The following BAZ2B variants were observed in gnomAD, a reference collection of about 807,000 sequenced individuals.
BAZ2B encodes the protein bromodomain adjacent to zinc finger domain protein 2B.
Under a neutral mutation model 246.0 loss-of-function variants are expected in BAZ2B, and 91 were observed. That is an observed-to-expected ratio of 0.37 (90% confidence interval 0.31 to 0.44). BAZ2B has a LOEUF of 0.44. Ranked by LOEUF, BAZ2B falls within the 20% of genes least tolerant of loss-of-function variation. The probability of loss-of-function intolerance (pLI) is 1.00; values close to 1 mark genes in which losing one functional copy is unlikely to be tolerated. For synonymous variants in BAZ2B, 855 were observed against 860.0 expected (o/e 0.99, Z 0.10); for missense variants, 2,332 against 2,533.7 (o/e 0.92, Z 1.71).
chr2:159,515,786 A>G (rs533003647), intron 2 of BAZ2B, among the ~76,000 whole-genome samples: 1 of 152,258 alleles, frequency 6.6e-6, no homozygotes, highest in South Asian at 2.1e-4. Flanking sequence ...TTTTTATATC[A>G]TAAGGATCTC....
At chr2:159,576,710 G>A (rs914954554) in intron 1 of BAZ2B, among the ~76,000 whole-genome samples, 3 of 145,480 alleles carry the variant, frequency 2.1e-5, no homozygotes, top group African/African-American at 7.6e-5. Flanking sequence ...TCGGGAGTTC[G>A]AGACCAGCCT....
intron 1 of BAZ2B, among the ~76,000 whole-genome samples, chr2:159,559,691 G>A (rs149087666): frequency 4.6e-5 from 7 of 152,218 alleles, no homozygotes; most frequent in Middle Eastern, 6.8e-3. Flanking sequence ...AAAAAAATAT[G>A]TGAAATTAAA....
At chr2:159,474,990 T>C (rs1207817947) in intron 3 of BAZ2B, among the ~76,000 whole-genome samples, 48 of 152,188 alleles carry the variant, frequency 3.2e-4, no homozygotes, top group Admixed American at 3.1e-3. Context: ...CCCTTAACAT[T>C]TTTTCTTTCA....
the BAZ2B span, among the ~76,000 whole-genome samples, chr2:159,670,083 G>A: frequency 2.0e-5 from 3 of 151,872 alleles, no homozygotes; most frequent in African/African-American, 7.3e-5. Flanking sequence ...TGATTCTCCT[G>A]CCTCAGCCTC....
chr2:159,533,354 G>A lies in BAZ2B; in HGVS notation c.-3+22469C>T, dbSNP rs1212978916. ...ACTTAATTTTCAGAAAAAGAACACT[G>A]GACTAGGAATTCGACACCAATACCA... On this transcript the variant is annotated intron_variant, in intron 2 of 36. Transcript: ENST00000392783. 3.9e-5 allele frequency among the ~76,000 whole-genome samples: 6 copies of A among 152,120 alleles called. No individual in the cohort carries two copies. In the East Asian group the frequency reaches 9.6e-4, roughly 24 times the overall value.
intron 2 of BAZ2B, among the ~76,000 whole-genome samples, chr2:159,480,320 AATAAG>A (rs1369456792): frequency 6.6e-6 from 1 of 152,154 alleles, no homozygotes; most frequent in African/African-American, 2.4e-5. Flanking sequence ...TTGGTGACAT[AATAAG>A]ATAAGCACTT....
At chr2:159,532,142 TGAA>T (rs2085443042) in intron 2 of BAZ2B, among the ~76,000 whole-genome samples, 1 of 152,162 alleles carries the variant, frequency 6.6e-6, no homozygotes, top group Non-Finnish European at 1.5e-5. Flanking sequence ...ACTAAAACAA[TGAA>T]GAAATATTGA....
chr2:159,688,239 G>C, the BAZ2B span, among the ~76,000 whole-genome samples: 1 of 151,890 alleles, frequency 6.6e-6, no homozygotes, highest in African/African-American at 2.4e-5. Flanking sequence ...ATGAGGTCTT[G>C]TTATGTTGTC....
rs181316946 is a variant in BAZ2B at position 159,409,407 on chromosome 2, T to C, written c.2677+2928A>G. On this transcript the variant is annotated intron_variant, in intron 14 of 36. Transcript: ENST00000392783. ...AAATTTGAGATATTAATAGTATCAG[T>C]CAATCAACAAGCAGGTTTATTTATA... Among the ~76,000 whole-genome samples, 40 of 152,314 alleles carry C rather than the reference T, an allele frequency of 2.6e-4. No homozygotes were observed. In the East Asian group the frequency reaches 4.4e-3, roughly 17 times the overall value.
chr2:159,349,917 G>T lies in BAZ2B; in HGVS notation c.4654C>A (p.Leu1552Met). Residue 1552 changes from leucine (L) to methionine (M), a missense_variant, in exon 28 of 37, where the codon CTG (leucine) becomes ATG (methionine). Coordinates refer to ENST00000392783, the MANE Select transcript of BAZ2B (RefSeq NM_013450.4). The stretch of plus-strand genomic sequence containing the variant: ...AACCATTGTCTATTCTTTTCAGTCA[G>T]CGTTTTTAGTAACTGGTCATTGGGG... Reference protein sequence around the residue: ...PLPNDQLLKTLTEKNRQWFSL... With the variant: ...PLPNDQLLKTMTEKNRQWFSL... 3.1e-6 allele frequency: 5 copies of T among 1,614,164 alleles called. No individual in the cohort carries two copies. In the South Asian group the frequency reaches 5.5e-5, roughly 18 times the overall value.
chr2:159,376,259 A>G (rs1438055863), intron 25 of BAZ2B, among the ~76,000 whole-genome samples: 1 of 152,204 alleles, frequency 6.6e-6, no homozygotes, highest in Non-Finnish European at 1.5e-5. Context: ...TACTTTAATA[A>G]GAAGATGCAG....
Position 159,457,038 on chromosome 2 carries a change from AT to A in BAZ2B, c.146-3238del, listed in dbSNP as rs1250920866. 2.0e-4 allele frequency among the ~76,000 whole-genome samples: 31 copies of A among 152,300 alleles called. 1 individual carries two copies. Among genetic ancestry groups the A allele is most frequent in the African/African-American group, 6.0e-4 (25 of 41,576 alleles). ...AAAGTTCTGTAATGCTATATATATAATTTTAATACTGTTTTTCTTCCATCTT... is the reference window on the plus strand; with the variant it reads ...AAAGTTCTGTAATGCTATATATATAATTTAATACTGTTTTTCTTCCATCTT... On this transcript the variant is annotated intron_variant, in intron 3 of 36. Coordinates refer to ENST00000392783, the MANE Select transcript of BAZ2B (RefSeq NM_013450.4).
intron 23 of BAZ2B, among the ~76,000 whole-genome samples, chr2:159,384,737 G>A (rs1045437517): frequency 1.3e-5 from 2 of 152,086 alleles, no homozygotes; most frequent in Admixed American, 1.3e-4. Flanking sequence ...AATAAAAAGT[G>A]GCTACGTAAT....
intron 6 of BAZ2B, 97 bp from the exon 7 acceptor site, chr2:159,439,309 C>G: frequency 9.3e-7 from 1 of 1,077,714 alleles, no homozygotes; most frequent in Non-Finnish European, 1.3e-6. Context: ...ATGATATTTT[C>G]AATCTCAAAA....
chr2:159,329,445 T>C (rs1375569104), intron 34 of BAZ2B, among the ~76,000 whole-genome samples: 1 of 152,062 alleles, frequency 6.6e-6, no homozygotes, highest in African/African-American at 2.4e-5. Flanking sequence ...GATACTGGGG[T>C]ATAGCTATGT....
chr2:159,505,534 AAAT>A (rs1166980584), intron 2 of BAZ2B, among the ~76,000 whole-genome samples: 3 of 152,340 alleles, frequency 2.0e-5, no homozygotes, highest in African/African-American at 7.2e-5. Flanking sequence ...GTTCAAATGA[AAAT>A]AATAACTAAC....
chr2:159,638,752 T>G, the BAZ2B span, among the ~76,000 whole-genome samples: 1 of 151,494 alleles, frequency 6.6e-6, no homozygotes, highest in East Asian at 1.9e-4. Flanking sequence ...GCCTACAAGA[T>G]CTAGAAAATA....
chr2:159,315,693 A>T (rs2062040630), downstream of BAZ2B, among the ~76,000 whole-genome samples: 1 of 152,234 alleles, frequency 6.6e-6, no homozygotes, highest in Admixed American at 6.5e-5. Flanking sequence ...GGTCACAAAG[A>T]TTAACCCCGA....
At chr2:159,456,083 A>G (rs2075739665) in intron 3 of BAZ2B, among the ~76,000 whole-genome samples, 1 of 152,008 alleles carries the variant, frequency 6.6e-6, no homozygotes, top group South Asian at 2.1e-4. Flanking sequence ...TATATCAATT[A>G]CATGTATGTA....
Sources: allele counts gnomAD v4.1 joint callset (sites outside exome capture counted in the v4.1 genomes callset), GRCh38; gene constraint gnomAD v4.1.1; transcripts MANE v1.5; gene names NCBI Gene and HGNC (gene_info 2026-07-23, HGNC 2026-07-21).